CLIC5: variants seen among roughly 807,000 people sequenced by gnomAD.
CLIC5 encodes the protein CLIC family member 5.
In CLIC5, 20 loss-of-function variants were observed where a neutral mutation model predicts 24.7. The observed-to-expected ratio is 0.81, with a 90% CI of 0.57 to 1.18. CLIC5 has a LOEUF of 1.18. CLIC5 is among the 50% of genes most tolerant of loss of function. The pLI, the probability that CLIC5 is intolerant of heterozygous loss-of-function variation, is 0.00. For synonymous variants in CLIC5, 159 were observed against 135.6 expected, an observed-to-expected ratio of 1.17 and a Z score of -1.20; for missense variants, 341 against 326.1, an observed-to-expected ratio of 1.05 and a Z score of -0.35.
intron 1 of CLIC5, among the ~76,000 whole-genome samples, chr6:45,991,608 C>CA (rs1765944995): frequency 6.6e-6 from 1 of 152,182 alleles, no homozygotes; most frequent in South Asian, 2.1e-4. Flanking sequence ...CACAGCAAAG[C>CA]AAACTAATAT....
chr6:45,940,954 C>A (rs1372845581), intron 4 of CLIC5, among the ~76,000 whole-genome samples: 2 of 152,298 alleles, frequency 1.3e-5, no homozygotes, highest in Admixed American at 6.5e-5. Flanking sequence ...CGCAAGAGAA[C>A]CAAGTCCTGA....
At chr6:46,042,530 A>G (rs1767835982) in intron 1 of CLIC5, among the ~76,000 whole-genome samples, 1 of 152,152 alleles carries the variant, frequency 6.6e-6, no homozygotes, top group African/African-American at 2.4e-5. Context: ...GATGTCCTTC[A>G]TACTCCAGCA....
At chr6:45,896,658 C>G (rs1396101407), downstream of CLIC5, among the ~76,000 whole-genome samples, 1 of 152,210 alleles carries the variant, frequency 6.6e-6, no homozygotes, top group Non-Finnish European at 1.5e-5. Context: ...ATGAGATACT[C>G]TCATTTACAA....
At chr6:46,038,403 G>A (rs1403213575) in intron 1 of CLIC5, among the ~76,000 whole-genome samples, 6 of 152,162 alleles carry the variant, frequency 3.9e-5, no homozygotes, top group Non-Finnish European at 7.4e-5. Context: ...CTGTCCTTGG[G>A]AGAAAGGGGA....
intron 1 of CLIC5, among the ~76,000 whole-genome samples, chr6:46,071,167 C>T (rs1304343525): frequency 1.3e-5 from 2 of 151,994 alleles, no homozygotes; most frequent in Non-Finnish European, 2.9e-5. Flanking sequence ...TAGAAACAGG[C>T]AAAGATTTCA....
At chr6:45,928,164 T>C (rs1244376283) in intron 4 of CLIC5, among the ~76,000 whole-genome samples, 1 of 152,164 alleles carries the variant, frequency 6.6e-6, no homozygotes, top group Non-Finnish European at 1.5e-5. Flanking sequence ...AGCAACTTTT[T>C]CCCAACAAAT....
At chr6:45,919,398 G>C (rs760790138) in intron 4 of CLIC5, among the ~76,000 whole-genome samples, 1 of 152,132 alleles carries the variant, frequency 6.6e-6, no homozygotes. Context: ...GGGGGTTACA[G>C]GTGGGCTGCT....
Position 45,914,417 on chromosome 6 carries a change from G to T in CLIC5, c.407-8C>A, listed in dbSNP as rs199626373. The stretch of plus-strand genomic sequence containing the variant: ...TTAGGCCTCTTTCAAGAGCTGGCAT[G>T]AAAGAGTAAAAGGGCCTTTATTCAA... On this transcript the variant is annotated splice_region_variant and splice_polypyrimidine_tract_variant and intron_variant, in intron 4 of 5. Transcript: ENST00000339561. 4.9e-5 allele frequency: 76 copies of T among 1,559,160 alleles called. No homozygotes were observed. The highest frequency in any genetic ancestry group is 3.4e-4 in the Middle Eastern group (2 of 5,824).
intron 6 of CLIC5, among the ~76,000 whole-genome samples, chr6:45,881,449 C>T (rs565900041): frequency 9.2e-5 from 14 of 152,200 alleles, no homozygotes; most frequent in African/African-American, 2.4e-4. Flanking sequence ...GAAGGCCTTC[C>T]GGCGGCAGAT....
chr6:46,043,804 G>A (rs1767881660), intron 1 of CLIC5, among the ~76,000 whole-genome samples: 1 of 151,988 alleles, frequency 6.6e-6, no homozygotes, highest in African/African-American at 2.4e-5. Context: ...TGAGGAGGGA[G>A]GTGGTGCTCT....
intron 1 of CLIC5, among the ~76,000 whole-genome samples, chr6:46,044,802 A>G (rs1443876767): frequency 1.3e-5 from 2 of 152,248 alleles, no homozygotes; most frequent in Non-Finnish European, 2.9e-5. Context: ...AATCTAAACT[A>G]TATCCTACTG....
Position 46,015,768 on chromosome 6 carries a change from A to C in CLIC5, c.-226T>G, listed in dbSNP as rs1766982263. 9.7e-6 allele frequency: 12 copies of C among 1,232,250 alleles called. No individual in the cohort carries two copies. Among genetic ancestry groups the C allele is most frequent in the Non-Finnish European group, 1.2e-5 (12 of 987,428 alleles). 76.3% of individuals were successfully genotyped at this position (1,232,250 alleles called of 1,614,324 possible). On this transcript the variant is annotated 5_prime_UTR_variant, in exon 1 of 6. Coordinates refer to ENST00000339561, the MANE Select transcript of CLIC5 (RefSeq NM_016929.5). ...CGAAGCCGGGAGGAGGCGGGGGGCCACGGGGAAAGCCGGGTTAAGGGAATG... is the reference window on the plus strand; with the variant it reads ...CGAAGCCGGGAGGAGGCGGGGGGCCCCGGGGAAAGCCGGGTTAAGGGAATG...
At chr6:46,012,128 G>A (rs1405286127) in intron 1 of CLIC5, among the ~76,000 whole-genome samples, 2 of 152,328 alleles carry the variant, frequency 1.3e-5, no homozygotes, top group African/African-American at 2.4e-5. Flanking sequence ...GGTTATACCT[G>A]TGGTTCCAGC....
At chr6:45,883,536 A>T (rs954904808) in intron 6 of CLIC5, among the ~76,000 whole-genome samples, 4 of 152,178 alleles carry the variant, frequency 2.6e-5, no homozygotes, top group Non-Finnish European at 1.5e-5. Context: ...CTGAGGAGAA[A>T]GGCTTTATCT....
chr6:45,944,625 G>C (rs1466760142), intron 3 of CLIC5, among the ~76,000 whole-genome samples: 2 of 151,256 alleles, frequency 1.3e-5, no homozygotes, highest in Non-Finnish European at 2.9e-5. Context: ...CATTGCAGAT[G>C]GTAAGTGCCC....
At chr6:46,087,790 G>A in the CLIC5 span, among the ~76,000 whole-genome samples, 1 of 152,196 alleles carries the variant, frequency 6.6e-6, no homozygotes, top group African/African-American at 2.4e-5. Context: ...GAAAGAGAGA[G>A]TGGGCATCCT....
exon 1 of CLIC5, chr6:46,079,772 A>G: frequency 1.3e-6 from 2 of 1,552,036 alleles, no homozygotes; most frequent in Non-Finnish European, 8.7e-7. Context: ...CAGCATCAGA[A>G]TAGCAGGAAT....
intron 1 of CLIC5, among the ~76,000 whole-genome samples, chr6:45,988,915 G>A (rs1290857727): frequency 6.6e-6 from 1 of 152,174 alleles, no homozygotes; most frequent in Non-Finnish European, 1.5e-5. Context: ...ATGACCTGGG[G>A]AGAAAGCTAA....
chr6:46,083,487 T>C (rs1367031794), upstream of CLIC5, among the ~76,000 whole-genome samples: 2 of 152,224 alleles, frequency 1.3e-5, no homozygotes, highest in African/African-American at 2.4e-5. Flanking sequence ...TTTGTTCTTG[T>C]TGGTTTCAAA....
Sources: allele counts gnomAD v4.1 joint callset (sites outside exome capture counted in the v4.1 genomes callset), GRCh38; gene constraint gnomAD v4.1.1; transcripts MANE v1.5; gene names NCBI Gene and HGNC (gene_info 2026-07-23, HGNC 2026-07-21).